Variants in MARCHF1 observed in about 807,000 individuals in gnomAD.
MARCHF1 encodes E3 ubiquitin-protein ligase MARCHF1.
In MARCHF1, 40 loss-of-function variants were observed where a neutral mutation model predicts 54.2. That is an observed-to-expected ratio of 0.74 (90% CI 0.57 to 0.96). MARCHF1 has a LOEUF of 0.96. Ranked by LOEUF, MARCHF1 falls within the 40% of genes least tolerant of loss-of-function variation. MARCHF1 has a pLI of 0.00. For synonymous variants in MARCHF1, 236 were observed against 236.3 expected (o/e 1.00, Z 0.01); for missense variants, 586 against 656.5 (o/e 0.89, Z 1.17).
intron 2 of MARCHF1, among the ~76,000 whole-genome samples, chr4:164,052,135 GTTT>G: frequency 8.1e-6 from 1 of 123,802 alleles, no homozygotes; most frequent in South Asian, 2.4e-4. Context: ...TCTTTTGGAA[GTTT>G]TTTTTTTTGT....
At chr4:163,946,492 G>C (rs770017717) in intron 3 of MARCHF1, among the ~76,000 whole-genome samples, 4 of 152,128 alleles carry the variant, frequency 2.6e-5, no homozygotes, top group Admixed American at 6.5e-5. Context: ...CAACACACCT[G>C]TATGGATCAA....
chr4:163,884,937 T>C (rs1750495685), intron 3 of MARCHF1, among the ~76,000 whole-genome samples: 2 of 152,286 alleles, frequency 1.3e-5, no homozygotes, highest in South Asian at 2.1e-4. Context: ...AAGCTAATTG[T>C]CCACTATTCA....
intron 1 of MARCHF1, among the ~76,000 whole-genome samples, chr4:164,239,903 A>G (rs1329509750): frequency 6.6e-6 from 1 of 152,186 alleles, no homozygotes; most frequent in Middle Eastern, 3.2e-3. Flanking sequence ...TACTATGATT[A>G]TTTTATAGAA....
intron 1 of MARCHF1, among the ~76,000 whole-genome samples, chr4:164,152,755 A>T (rs1478442252): frequency 1.3e-5 from 2 of 152,160 alleles, no homozygotes; most frequent in Non-Finnish European, 2.9e-5. Flanking sequence ...CTGCACAATG[A>T]AACTTGGTCT....
chr4:163,559,272 A>G (rs921838807), intron 8 of MARCHF1, among the ~76,000 whole-genome samples: 2 of 152,238 alleles, frequency 1.3e-5, no homozygotes, highest in African/African-American at 4.8e-5. Context: ...CTTCAAGTAT[A>G]CACACAAATG....
chr4:163,654,894 T>G (rs1743087285), intron 5 of MARCHF1, among the ~76,000 whole-genome samples: 1 of 151,644 alleles, frequency 6.6e-6, no homozygotes, highest in Non-Finnish European at 1.5e-5. Flanking sequence ...ATTAGTCATA[T>G]AGATCTCTAT....
rs546258328 is a variant in MARCHF1, at chr4:163,630,671, G to A, written c.163-17278C>T. On this transcript the variant is annotated intron_variant, in intron 5 of 9. Coordinates refer to ENST00000514618, the MANE Select transcript of MARCHF1 (RefSeq NM_001394959.1). ...GGATTGTGGTGAGAAAAAACAGACCGGAAGCTATAGAAGCAAAGCATATTT... is the reference window on the plus strand; with the variant it reads ...GGATTGTGGTGAGAAAAAACAGACCAGAAGCTATAGAAGCAAAGCATATTT... 1.1e-4 allele frequency among the ~76,000 whole-genome samples: 17 copies of A among 152,166 alleles called. No homozygotes were observed. In the East Asian group the frequency reaches 1.4e-3, roughly 12 times the overall value.
At chr4:164,326,090 G>A (rs985193110) in intron 1 of MARCHF1, among the ~76,000 whole-genome samples, 2 of 151,930 alleles carry the variant, frequency 1.3e-5, no homozygotes, top group African/African-American at 4.8e-5. Context: ...CAAACCAGTA[G>A]CATATTGTCT....
chr4:164,097,619 G>T, intron 2 of MARCHF1, among the ~76,000 whole-genome samples: 1 of 149,002 alleles, frequency 6.7e-6, no homozygotes, highest in East Asian at 1.9e-4. Context: ...CTGTATTTAA[G>T]TATATGTATT....
At chr4:163,556,489 T>A (rs887854121) in intron 8 of MARCHF1, among the ~76,000 whole-genome samples, 6 of 152,098 alleles carry the variant, frequency 3.9e-5, no homozygotes, top group Non-Finnish European at 7.4e-5. Flanking sequence ...AATTCTTACA[T>A]CCTATTTGCA....
intron 3 of MARCHF1, among the ~76,000 whole-genome samples, chr4:163,895,858 C>T (rs1205576745): frequency 1.3e-5 from 2 of 152,148 alleles, no homozygotes; most frequent in African/African-American, 4.8e-5. Context: ...TCAGCACTTA[C>T]TTATGACTCT....
chr4:163,685,556 G>C (rs924970334), intron 5 of MARCHF1, among the ~76,000 whole-genome samples: 12 of 152,170 alleles, frequency 7.9e-5, no homozygotes, highest in Non-Finnish European at 1.0e-4. Flanking sequence ...CTGGGTTGAA[G>C]CGATTCTCCT....
At chr4:164,098,455 T>A (rs1549808) in intron 2 of MARCHF1, among the ~76,000 whole-genome samples, 106,543 of 152,042 alleles carry the variant, frequency 0.7, 38,900 homozygotes, top group Non-Finnish European at 0.82. Flanking sequence ...TAAAATGTCA[T>A]GATTCAATTC....
At chr4:164,055,835 A>G (rs968198052) in intron 2 of MARCHF1, among the ~76,000 whole-genome samples, 2 of 152,112 alleles carry the variant, frequency 1.3e-5, no homozygotes, top group African/African-American at 2.4e-5. Flanking sequence ...GTGGCTCATA[A>G]AAAAGTACCT....
intron 9 of MARCHF1, among the ~76,000 whole-genome samples, chr4:163,530,920 T>G (rs888293019): frequency 2.6e-5 from 4 of 151,944 alleles, no homozygotes; most frequent in East Asian, 1.9e-4. Context: ...AAATAAGAGA[T>G]CATTACAGTG....
At chr4:164,323,420 A>G (rs1473669774) in intron 1 of MARCHF1, among the ~76,000 whole-genome samples, 2 of 151,632 alleles carry the variant, frequency 1.3e-5, no homozygotes, top group Non-Finnish European at 3.0e-5. Context: ...CATATCTTTT[A>G]AAATAGTCCT....
chr4:163,776,911 C>T (rs1350474056), intron 4 of MARCHF1, among the ~76,000 whole-genome samples: 3 of 152,058 alleles, frequency 2.0e-5, no homozygotes, highest in Admixed American at 6.6e-5. Flanking sequence ...TAGACAAACT[C>T]GTGGCATCTT....
chr4:163,775,579 G>A (rs1747282010), intron 4 of MARCHF1, among the ~76,000 whole-genome samples: 1 of 152,096 alleles, frequency 6.6e-6, no homozygotes, highest in Non-Finnish European at 1.5e-5. Flanking sequence ...GATACAAGAG[G>A]AATTTATTGA....
chr4:163,730,900 T>A (rs1192225895), intron 4 of MARCHF1, among the ~76,000 whole-genome samples: 1 of 152,168 alleles, frequency 6.6e-6, no homozygotes, highest in Non-Finnish European at 1.5e-5. Flanking sequence ...CATCCCCTAT[T>A]TTCACTAACC....
Sources: gnomAD v4.1 joint callset for allele counts (sites outside exome capture counted in the v4.1 genomes callset) on GRCh38, gnomAD v4.1.1 for gene constraint, MANE v1.5 for transcripts, NCBI Gene and HGNC (gene_info 2026-07-23, HGNC 2026-07-21) for gene names.